Variants in USP37 observed in about 807,000 individuals in gnomAD.
USP37 encodes the protein ubiquitin carboxyl-terminal hydrolase 37.
Under a neutral mutation model 124.0 loss-of-function variants are expected in USP37, and 27 were observed. The observed-to-expected ratio is 0.22, with a 90% CI of 0.16 to 0.30. The LOEUF is 0.30. Among genes scored for constraint, USP37 ranks in the 10% least tolerant of loss-of-function variants. USP37 has a pLI of 1.00. For missense variants in USP37, 889 were observed against 1,140.4 expected, an observed-to-expected ratio of 0.78 and a Z score of 3.17; for synonymous variants, 365 against 388.0, an observed-to-expected ratio of 0.94 and a Z score of 0.70.
At chr2:218,479,390 A>C (rs1264907373) in intron 18 of USP37, among the ~76,000 whole-genome samples, 1 of 152,252 alleles carries the variant, frequency 6.6e-6, no homozygotes, top group Non-Finnish European at 1.5e-5. Context: ...AAAGTATTAC[A>C]TATTAACAAT....
Position 218,455,629 on chromosome 2 carries a change from C to A in USP37, c.2803G>T (p.Val935Leu). 6.2e-7 allele frequency: 1 copy of A among 1,614,164 alleles called. No individual in the cohort carries two copies. Among genetic ancestry groups the A allele is most frequent in the Non-Finnish European group, 8.5e-7 (1 of 1,180,040 alleles). The change falls in exon 25 of 26, where the codon GTG becomes TTG. Residue 935 changes from valine to leucine, a missense_variant. Around this residue, in one of 3 missense-constraint regions of USP37, gnomAD observed 504 missense variants for 714.3 expected, o/e 0.71. Transcript: ENST00000258399. ...LEVSKIQEAAVQSDRDRSGYI... is the reference protein window; with the variant it reads ...LEVSKIQEAALQSDRDRSGYI... Reference sequence around the variant, plus strand: ...CCACTCCGATCTCGATCACTCTGCACGGCAGCCTCTTGGATTTTTGATACC... The same window carrying A: ...CCACTCCGATCTCGATCACTCTGCAAGGCAGCCTCTTGGATTTTTGATACC...
intron 10 of USP37, among the ~76,000 whole-genome samples, chr2:218,519,749 G>A (rs1309867805): frequency 6.6e-6 from 1 of 151,738 alleles, no homozygotes; most frequent in Admixed American, 6.6e-5. Flanking sequence ...ATGAACTGGG[G>A]AGGCAGAGGT....
chr2:218,526,578 C>CT (rs1559208222), intron 10 of USP37, among the ~76,000 whole-genome samples: 1 of 152,082 alleles, frequency 6.6e-6, no homozygotes, highest in Non-Finnish European at 1.5e-5. Flanking sequence ...TCACCAGCAT[C>CT]TTTTTTGACA....
At position 218,467,176 on chromosome 2, in the gene USP37, C is replaced by T. The variant is rs192798305; in HGVS notation, c.2300-1000G>A. 4.6e-4 allele frequency among the ~76,000 whole-genome samples: 70 copies of T among 151,354 alleles called. No homozygotes were observed. In the East Asian group the frequency reaches 0.012, roughly 26 times the overall value. On this transcript the variant is annotated intron_variant, in intron 20 of 25. Transcript: ENST00000258399. ...CAGGAAGGTAAGAAATCCCCTCCCCCCTCCTCCCTTCCCCCTCCCCCTGCC... is the reference window on the plus strand; with the variant it reads ...CAGGAAGGTAAGAAATCCCCTCCCCTCTCCTCCCTTCCCCCTCCCCCTGCC...
At chr2:218,530,749 A>T (rs1691276714) in intron 9 of USP37, among the ~76,000 whole-genome samples, 1 of 152,204 alleles carries the variant, frequency 6.6e-6, no homozygotes, top group Non-Finnish European at 1.5e-5. Flanking sequence ...CTTGACAGAA[A>T]TTAAAAGTGC....
At chr2:218,540,498 G>C (rs1691915663) in intron 8 of USP37, among the ~76,000 whole-genome samples, 1 of 152,062 alleles carries the variant, frequency 6.6e-6, no homozygotes. Context: ...AAATAGCCAA[G>C]ACTAGCCAGG....
At chr2:218,543,293 G>C (rs1182787755) in intron 8 of USP37, among the ~76,000 whole-genome samples, 2 of 150,852 alleles carry the variant, frequency 1.3e-5, no homozygotes, top group East Asian at 3.9e-4. Context: ...CCTGAGCTCA[G>C]AAGTTCGAGA....
At chr2:218,551,020 T>G (rs1559225566) in intron 5 of USP37, among the ~76,000 whole-genome samples, 3 of 152,188 alleles carry the variant, frequency 2.0e-5, no homozygotes, top group African/African-American at 7.2e-5. Context: ...CATCCAGAGA[T>G]TATGTTAAAA....
chr2:218,473,070 G>A (rs1690782530), intron 20 of USP37: 2 of 152,234 alleles, frequency 1.3e-5, no homozygotes, highest in South Asian at 4.2e-4. Context: ...CCAGAGCCTG[G>A]AGACAGGGTG....
At chr2:218,458,189 G>GA (rs1180071767) in intron 23 of USP37, among the ~76,000 whole-genome samples, 2 of 128,836 alleles carry the variant, frequency 1.6e-5, no homozygotes, top group African/African-American at 5.7e-5. Flanking sequence ...CTAAAATATA[G>GA]AAAATGCATG....
chr2:218,488,995 T>C (rs970734335), intron 14 of USP37, among the ~76,000 whole-genome samples: 2 of 152,026 alleles, frequency 1.3e-5, no homozygotes, highest in Non-Finnish European at 2.9e-5. Context: ...TAACATAACA[T>C]ACAAAAGTGA....
At chr2:218,497,377 A>G (rs1273935700) in intron 13 of USP37, among the ~76,000 whole-genome samples, 2 of 151,072 alleles carry the variant, frequency 1.3e-5, no homozygotes, top group African/African-American at 2.4e-5. Flanking sequence ...GGCCTATTTT[A>G]TTTATTTTTA....
chr2:218,467,905 TA>T (rs1243196599), intron 20 of USP37, among the ~76,000 whole-genome samples: 1 of 151,704 alleles, frequency 6.6e-6, no homozygotes, highest in Admixed American at 6.6e-5. Context: ...TTTTTTTTTT[TA>T]AGACTGAGTC....
chr2:218,557,612 C>T (rs1255901791), intron 4 of USP37, among the ~76,000 whole-genome samples: 1 of 73,144 alleles, frequency 1.4e-5, no homozygotes, highest in African/African-American at 6.6e-5. Flanking sequence ...GGATATTACA[C>T]TTTTGCATAA....
At chr2:218,533,816 T>A (rs1691469320) in intron 9 of USP37, among the ~76,000 whole-genome samples, 1 of 152,214 alleles carries the variant, frequency 6.6e-6, no homozygotes. Context: ...CTCAAGTTAA[T>A]ACCAGATAAC....
In USP37 at chr2:218,463,648, G is replaced by A. The variant is rs568245622; in HGVS notation, c.2467-282C>T. Among the ~76,000 whole-genome samples, 8 of 144,958 alleles carry A rather than the reference G, an allele frequency of 5.5e-5. No individual in the cohort carries two copies. The South Asian group carries it at 6.8e-4, about 12-fold the overall frequency. Reference sequence around the variant, plus strand: ...CCTCCTGGGTTCACGCCATTCTCCCGCCTCAGCCTCCCAAGTAGCTGGGAC... The same window carrying A: ...CCTCCTGGGTTCACGCCATTCTCCCACCTCAGCCTCCCAAGTAGCTGGGAC... On this transcript the variant is annotated intron_variant, in intron 21 of 25. Coordinates refer to ENST00000258399, the MANE Select transcript of USP37 (RefSeq NM_020935.3).
At chr2:218,475,899 C>G (rs1158369149) in intron 19 of USP37, among the ~76,000 whole-genome samples, 2 of 149,924 alleles carry the variant, frequency 1.3e-5, no homozygotes, top group Non-Finnish European at 3.0e-5. Flanking sequence ...GCACTCCAGC[C>G]TGGGCAACAG....
At chr2:218,499,387 T>C (rs1261115406) in intron 11 of USP37, among the ~76,000 whole-genome samples, 1 of 152,240 alleles carries the variant, frequency 6.6e-6, no homozygotes, top group African/African-American at 2.4e-5. Context: ...ACTTCTGTAA[T>C]GTGCACTTCA....
At chr2:218,517,831 A>T (rs1690384289) in intron 10 of USP37, among the ~76,000 whole-genome samples, 1 of 152,176 alleles carries the variant, frequency 6.6e-6, no homozygotes, top group African/African-American at 2.4e-5. Flanking sequence ...GACTTTAATA[A>T]GACACAATAG....
Sources: gnomAD v4.1 joint callset for allele counts (sites outside exome capture counted in the v4.1 genomes callset) on GRCh38, gnomAD v4.1.1 for gene constraint, gnomAD v4.1.1 regional missense constraint, MANE v1.5 for transcripts, NCBI Gene and HGNC (gene_info 2026-07-23, HGNC 2026-07-21) for gene names.